Variants in B3GALT5 observed in about 807,000 individuals in gnomAD.
The protein encoded by B3GALT5 is UDP-Gal:betaGlcNAc beta 1,3-galactosyltransferase, polypeptide 5.
For missense variants in B3GALT5, 328 were observed against 396.6 expected (o/e 0.83, Z 1.47); for synonymous variants, 156 against 158.6 (o/e 0.98, Z 0.12).
At chr21:39,613,833 C>T (rs980504071) in intron 1 of B3GALT5, among the ~76,000 whole-genome samples, 3 of 152,204 alleles carry the variant, frequency 2.0e-5, no homozygotes, top group Non-Finnish European at 4.4e-5. Flanking sequence ...ACTGAATCTG[C>T]AGTAATCAGA....
intron 3 of B3GALT5, 55 bp downstream of exon 3, chr21:39,659,967 G>A: frequency 1.1e-6 from 1 of 947,914 alleles, no homozygotes; most frequent in Non-Finnish European, 1.3e-6. Flanking sequence ...TCCTGAACTT[G>A]CCGAGGATAG....
intron 1 of B3GALT5, among the ~76,000 whole-genome samples, chr21:39,616,557 C>A (rs568888260): frequency 5.8e-4 from 88 of 152,122 alleles, no homozygotes; most frequent in Non-Finnish European, 1.1e-3. Context: ...GGTATTTATG[C>A]ATATTTGCTC....
intron 1 of B3GALT5, among the ~76,000 whole-genome samples, chr21:39,629,232 C>G (rs866490602): frequency 1.2e-4 from 19 of 152,320 alleles, no homozygotes; most frequent in African/African-American, 4.6e-4. Context: ...CCAGGCTGGT[C>G]TCGAACTCCT....
rs1412619792 is a variant in B3GALT5, at chr21:39,670,150, A to G, written c.*8658A>G. ...GAAAATAAACTCTTCAGTCCAGCCC[A>G]CTTTCCCTGTCTCCCTATCTAATGC... On this transcript the variant is annotated 3_prime_UTR_variant, in exon 4 of 4. Coordinates refer to ENST00000684187, the MANE Select transcript of B3GALT5 (RefSeq NM_001356336.2). 1 of 151,960 alleles carries G rather than the reference A, an allele frequency of 6.6e-6. No homozygotes were observed. The highest frequency in any genetic ancestry group is 1.9e-4 in the East Asian group (1 of 5,148). 9.4% of individuals were successfully genotyped at this position (151,960 alleles called of 1,614,324 possible). A position where few individuals can be genotyped will look rare whatever the true frequency, so the allele number is the denominator to read the frequency against.
intron 1 of B3GALT5, among the ~76,000 whole-genome samples, chr21:39,620,474 T>C (rs1301649079): frequency 6.6e-6 from 1 of 152,238 alleles, no homozygotes; most frequent in Non-Finnish European, 1.5e-5. Flanking sequence ...ATGTTTTATG[T>C]AGATAATTGT....
At chr21:39,638,654 C>T (rs907851372) in intron 1 of B3GALT5, among the ~76,000 whole-genome samples, 1 of 152,194 alleles carries the variant, frequency 6.6e-6, no homozygotes, top group African/African-American at 2.4e-5. Context: ...AGGGGTCTAA[C>T]TGAGCTAACA....
intron 1 of B3GALT5, among the ~76,000 whole-genome samples, chr21:39,622,659 A>G (rs2079140086): frequency 6.6e-6 from 1 of 152,010 alleles, no homozygotes. Context: ...ATTTTTTCCA[A>G]CCTGCTTATT....
intron 1 of B3GALT5, among the ~76,000 whole-genome samples, chr21:39,644,622 T>C (rs1464826971): frequency 6.6e-6 from 1 of 152,198 alleles, no homozygotes; most frequent in Non-Finnish European, 1.5e-5. Flanking sequence ...CGATGGCGTG[T>C]ATCCCTAGAG....
intron 1 of B3GALT5, among the ~76,000 whole-genome samples, chr21:39,639,288 CTCTTTCTTTCTTTCTTTCTTTCTTTCTT>C (rs71184689): frequency 1.0e-5 from 1 of 98,428 alleles, no homozygotes; most frequent in Admixed American, 1.1e-4. Flanking sequence ...AGGCATCTGG[CTCTTTCTTTCTTTCTTTCTTTCTTTCTT>C]TCTTTCTTTC....
At chr21:39,648,475 G>C (rs991899187) in intron 2 of B3GALT5, among the ~76,000 whole-genome samples, 9 of 152,180 alleles carry the variant, frequency 5.9e-5, no homozygotes, top group Admixed American at 1.3e-4. Context: ...GTTTAGGAGA[G>C]AATAAGAGTC....
chr21:39,628,425 T>C (rs998217583), intron 1 of B3GALT5, among the ~76,000 whole-genome samples: 2 of 152,208 alleles, frequency 1.3e-5, no homozygotes, highest in Admixed American at 6.5e-5. Context: ...GAGTCTTTGT[T>C]ATCTCTCATT....
intron 2 of B3GALT5, among the ~76,000 whole-genome samples, chr21:39,655,655 A>T (rs2079435796): frequency 6.6e-6 from 1 of 152,188 alleles, no homozygotes; most frequent in South Asian, 2.1e-4. Context: ...TAAGGAAAAG[A>T]AAACAGCAGA....
intron 1 of B3GALT5, among the ~76,000 whole-genome samples, chr21:39,615,108 G>A (rs776110970): frequency 1.3e-5 from 2 of 152,144 alleles, no homozygotes; most frequent in Non-Finnish European, 2.9e-5. Context: ...TCCTCCTACT[G>A]CTTACTTTCC....
chr21:39,670,201 C>T lies in B3GALT5; in HGVS notation c.*8709C>T, dbSNP rs1000369340. ...CCTTGCAAAACAAGCCCGGGGGCGCCACACTCAGACTGTGTGTGTGTGTGT... is the reference window on the plus strand; with the variant it reads ...CCTTGCAAAACAAGCCCGGGGGCGCTACACTCAGACTGTGTGTGTGTGTGT... On this transcript the variant is annotated 3_prime_UTR_variant, in exon 4 of 4. Transcript: ENST00000684187. 3 of 149,292 alleles carry T rather than the reference C, an allele frequency of 2.0e-5. No individual in the cohort carries two copies. Among genetic ancestry groups the T allele is most frequent in the Non-Finnish European group, 4.5e-5 (3 of 67,414 alleles). 9.2% of individuals were successfully genotyped at this position (149,292 alleles called of 1,614,324 possible). A position where few individuals can be genotyped will look rare whatever the true frequency, so the allele number is the denominator to read the frequency against.
At chr21:39,659,633 A>G (rs2079489058) in intron 2 of B3GALT5, 120 bp from the exon 3 acceptor site, 4 of 478,676 alleles carry the variant, frequency 8.4e-6, no homozygotes, top group Non-Finnish European at 1.1e-5. Context: ...TTGGGGCTCA[A>G]ATGCGTGCTC....
chr21:39,660,236 G>A (rs148951308), intron 3 of B3GALT5, among the ~76,000 whole-genome samples: 3 of 152,312 alleles, frequency 2.0e-5, no homozygotes, highest in African/African-American at 4.8e-5. Flanking sequence ...TCATAGAAGG[G>A]CAGAGCTGGA....
Position 39,629,898 on chromosome 21 carries a change from A to G in B3GALT5, c.-391-16494A>G, listed in dbSNP as rs186754055. 6.9e-4 allele frequency among the ~76,000 whole-genome samples: 105 copies of G among 152,376 alleles called. 1 individual carries two copies. The highest frequency in any genetic ancestry group is 2.3e-3 in the African/African-American group (96 of 41,588). On this transcript the variant is annotated intron_variant, in intron 1 of 3. Coordinates refer to ENST00000684187, the MANE Select transcript of B3GALT5 (RefSeq NM_001356336.2). ...CTGATGTGCAGAAGCACATATAGTTATAATACCAGTAATGCTGGTTTAAAA... is the reference window on the plus strand; with the variant it reads ...CTGATGTGCAGAAGCACATATAGTTGTAATACCAGTAATGCTGGTTTAAAA...
intron 1 of B3GALT5, among the ~76,000 whole-genome samples, chr21:39,623,217 C>CCTTCCTT (rs2079144395): frequency 1.8e-5 from 1 of 56,566 alleles, no homozygotes; most frequent in Non-Finnish European, 3.4e-5. Context: ...CTCCCTCCCT[C>CCTTCCTT]CCTCCCTCCC....
At chr21:39,626,947 G>A (rs771793541) in intron 1 of B3GALT5, among the ~76,000 whole-genome samples, 3 of 151,968 alleles carry the variant, frequency 2.0e-5, no homozygotes, top group African/African-American at 7.3e-5. Flanking sequence ...TACGTTCCTC[G>A]CTTGTCCTGT....
Sources: allele counts gnomAD v4.1 joint callset (sites outside exome capture counted in the v4.1 genomes callset), GRCh38; gene constraint gnomAD v4.1.1; transcripts MANE v1.5; gene names NCBI Gene and HGNC (gene_info 2026-07-23, HGNC 2026-07-21).